Variants in DPH6 observed in about 807,000 individuals in gnomAD.
DPH6 encodes the protein diphthine--ammonia ligase.
In DPH6, 33 loss-of-function variants were observed where a neutral mutation model predicts 38.2. The ratio of observed to expected loss-of-function variants is 0.86; its 90% CI spans 0.65 to 1.15. The LOEUF (loss-of-function observed/expected upper bound fraction) is 1.15. DPH6 is among the 50% of genes most tolerant of loss of function. The probability of loss-of-function intolerance (pLI) is 0.00; values close to 1 mark genes in which losing one functional copy is unlikely to be tolerated. For missense variants in DPH6, 325 were observed against 320.0 expected (o/e 1.02, Z -0.12); for synonymous variants, 108 against 103.0 (o/e 1.05, Z -0.30).
intron 3 of DPH6, among the ~76,000 whole-genome samples, chr15:35,464,170 T>C (rs546008628): frequency 5.3e-5 from 8 of 152,174 alleles, no homozygotes; most frequent in African/African-American, 1.9e-4. Context: ...GGCACGCGCC[T>C]GTAATCCCAG....
At chr15:35,204,670 T>C in the DPH6 span, among the ~76,000 whole-genome samples, 1 of 151,768 alleles carries the variant, frequency 6.6e-6, no homozygotes, top group Non-Finnish European at 1.5e-5. Context: ...AAAGGAGTAA[T>C]TGAATCACTA....
intron 3 of DPH6, among the ~76,000 whole-genome samples, chr15:35,243,387 AT>A (rs2051614256): frequency 7.0e-6 from 1 of 142,972 alleles, no homozygotes; most frequent in Non-Finnish European, 1.5e-5. Context: ...TTTCTTATTA[AT>A]ATAAGAAGGC....
intron 3 of DPH6, among the ~76,000 whole-genome samples, chr15:35,319,485 A>G (rs1233612067): frequency 6.6e-6 from 1 of 152,180 alleles, no homozygotes; most frequent in Admixed American, 6.5e-5. Context: ...TCATGCCTGT[A>G]ATCCCAGCAC....
the DPH6 span, among the ~76,000 whole-genome samples, chr15:35,193,410 T>C: frequency 2.6e-5 from 4 of 152,008 alleles, no homozygotes; most frequent in Non-Finnish European, 5.9e-5. Context: ...ATGTAGATAA[T>C]ATTTAGATTA....
intron 3 of DPH6, among the ~76,000 whole-genome samples, chr15:35,236,454 C>T (rs537892695): frequency 4.0e-5 from 6 of 151,874 alleles, no homozygotes; most frequent in African/African-American, 7.3e-5. Context: ...CGGGCTAACA[C>T]GGTGAAACCC....
the DPH6 span, among the ~76,000 whole-genome samples, chr15:35,206,934 T>C: frequency 6.8e-6 from 1 of 147,168 alleles, no homozygotes; most frequent in Non-Finnish European, 1.5e-5. Context: ...GTATAACAAC[T>C]CATAAAACCA....
chr15:35,263,331 TAAG>T (rs1370553666), intron 3 of DPH6, among the ~76,000 whole-genome samples: 2 of 148,578 alleles, frequency 1.3e-5, no homozygotes, highest in East Asian at 2.0e-4. Flanking sequence ...TCTGAACTCA[TAAG>T]AAGGATAATG....
intron 3 of DPH6, among the ~76,000 whole-genome samples, chr15:35,482,695 C>A (rs189815280): frequency 1.3e-5 from 2 of 152,042 alleles, no homozygotes; most frequent in East Asian, 3.9e-4. Flanking sequence ...TTACCTCACA[C>A]CACATACAAA....
intron 3 of DPH6, among the ~76,000 whole-genome samples, chr15:35,257,772 T>TTGTGTGTGTGTGTG (rs60955022): frequency 0.032 from 4,822 of 148,700 alleles, 103 homozygotes; most frequent in Middle Eastern, 0.045. Flanking sequence ...GGTCTCAGCT[T>TTGTGTGTGTGTGTG]TGTGTGTGTG....
chr15:35,413,468 T>C (rs2053395778), intron 5 of DPH6, among the ~76,000 whole-genome samples: 1 of 151,674 alleles, frequency 6.6e-6, no homozygotes, highest in Non-Finnish European at 1.5e-5. Flanking sequence ...TATGTTGTTA[T>C]ATGTGCACAA....
the DPH6 span, among the ~76,000 whole-genome samples, chr15:35,201,663 G>A: frequency 2.0e-5 from 3 of 151,534 alleles, no homozygotes; most frequent in South Asian, 2.1e-4. Flanking sequence ...CAAGAGTCTC[G>A]TGCAATTCTT....
chr15:35,425,900 G>A (rs1191863095), intron 5 of DPH6, among the ~76,000 whole-genome samples: 1 of 150,034 alleles, frequency 6.7e-6, no homozygotes, highest in African/African-American at 2.4e-5. Context: ...TTACTTTTAG[G>A]ACAGCCTGCC....
chr15:35,507,686 C>T (rs1167478406), intron 3 of DPH6, among the ~76,000 whole-genome samples: 1 of 152,020 alleles, frequency 6.6e-6, no homozygotes, highest in Non-Finnish European at 1.5e-5. Context: ...ATTAAGAACT[C>T]GCTATCCAGT....
intron 3 of DPH6, among the ~76,000 whole-genome samples, chr15:35,363,202 T>C (rs1466058255): frequency 6.6e-6 from 1 of 152,176 alleles, no homozygotes; most frequent in Non-Finnish European, 1.5e-5. Context: ...TGATTTTGTC[T>C]GTTTTTAAAA....
intron 3 of DPH6, among the ~76,000 whole-genome samples, chr15:35,316,603 A>T (rs1332443518): frequency 4.6e-5 from 7 of 152,212 alleles, no homozygotes; most frequent in Non-Finnish European, 1.0e-4. Flanking sequence ...TACTGAAAAG[A>T]TTATAGCTAT....
intron 3 of DPH6, chr15:35,490,025 T>C: frequency 2.0e-6 from 2 of 985,364 alleles, no homozygotes; most frequent in African/African-American, 3.5e-5. Flanking sequence ...GGCACCCAAA[T>C]GTAAAGAAAA....
intron 5 of DPH6, among the ~76,000 whole-genome samples, chr15:35,413,351 T>C (rs1344944252): frequency 6.6e-6 from 1 of 151,702 alleles, no homozygotes; most frequent in Non-Finnish European, 1.5e-5. Flanking sequence ...TTGATCTCCA[T>C]GAACCATCAG....
chr15:35,542,406 T>C lies in DPH6; in HGVS notation c.118+7A>G, dbSNP rs2055265927. ...TAGGCAACTTCCCAATAAAGGCATG[T>C]ACTTACCTTGGTTTTCAGCTGGTCT... is the stretch of plus-strand genomic sequence containing the variant. On this transcript the variant is annotated splice_region_variant and intron_variant, in intron 2 of 8. Coordinates refer to ENST00000256538, the MANE Select transcript of DPH6 (RefSeq NM_080650.4). 1 of 1,563,202 alleles carries C rather than the reference T, an allele frequency of 6.4e-7. No homozygotes were observed. The highest frequency in any genetic ancestry group is 8.8e-7 in the Non-Finnish European group (1 of 1,140,884).
At chr15:35,148,264 G>A in the DPH6 span, among the ~76,000 whole-genome samples, 1 of 152,088 alleles carries the variant, frequency 6.6e-6, no homozygotes, top group Non-Finnish European at 1.5e-5. Context: ...TAACTCACAA[G>A]CTACAAGACT....
Sources: gnomAD v4.1 joint callset for allele counts (sites outside exome capture counted in the v4.1 genomes callset) on GRCh38, gnomAD v4.1.1 for gene constraint, MANE v1.5 for transcripts, NCBI Gene and HGNC (gene_info 2026-07-23, HGNC 2026-07-21) for gene names.